UBAP2L: variants seen among roughly 807,000 people sequenced by gnomAD.
UBAP2L encodes the protein ubiquitin-associated protein 2-like.
A neutral mutation model predicts 130.6 loss-of-function variants in UBAP2L; 12 were observed. That is an observed-to-expected ratio of 0.09 (90% CI 0.06 to 0.15). The LOEUF (loss-of-function observed/expected upper bound fraction) is 0.15, where lower values mean the gene tolerates loss of function less well. Among genes scored for constraint, UBAP2L ranks in the 10% least tolerant of loss-of-function variants. UBAP2L has a pLI of 1.00. For missense variants in UBAP2L, 965 were observed against 1,332.5 expected (o/e 0.72, Z 4.29); for synonymous variants, 503 against 524.7 (o/e 0.96, Z 0.57).
intron 5 of UBAP2L, among the ~76,000 whole-genome samples, 166 bp from the exon 6 acceptor site, chr1:154,235,030 A>G (rs992256601): frequency 3.9e-5 from 6 of 152,056 alleles, no homozygotes; most frequent in African/African-American, 1.4e-4. Flanking sequence ...CCTGAGAAAC[A>G]TGTTCCCATC....
chr1:154,262,028 G>C (rs1681720425), intron 24 of UBAP2L, among the ~76,000 whole-genome samples: 2 of 152,218 alleles, frequency 1.3e-5, no homozygotes, highest in African/African-American at 4.8e-5. Flanking sequence ...AGTGTTAATA[G>C]TATGTATGGC....
intron 18 of UBAP2L, among the ~76,000 whole-genome samples, chr1:154,256,616 G>A (rs1054154131): frequency 9.8e-5 from 15 of 152,300 alleles, no homozygotes; most frequent in Admixed American, 8.5e-4. Flanking sequence ...CCCAGCCTGG[G>A]CAACAGGATG....
At chr1:154,241,762 G>C (rs1673699980) in intron 9 of UBAP2L, 197 bp downstream of exon 9, 2 of 985,292 alleles carry the variant, frequency 2.0e-6, no homozygotes, top group Non-Finnish European at 2.4e-6. Context: ...ACAGGACTCT[G>C]TGGAACCACA....
At chr1:154,245,705 G>A (rs1361334750) in intron 10 of UBAP2L, among the ~76,000 whole-genome samples, 1 of 152,038 alleles carries the variant, frequency 6.6e-6, no homozygotes, top group Non-Finnish European at 1.5e-5. Flanking sequence ...CATGAGGTCA[G>A]GAGATTGAGA....
At chr1:154,233,009 C>A (rs1670355345) in intron 4 of UBAP2L, among the ~76,000 whole-genome samples, 8 of 151,710 alleles carry the variant, frequency 5.3e-5, no homozygotes. Flanking sequence ...CCCAGCCTTA[C>A]CTTTTTTTCT....
Position 154,257,408 on chromosome 1 carries a change from G to A in UBAP2L, c.2416G>A (p.Ala806Thr), listed in dbSNP as rs778923432. The change falls in exon 20 of 27, where the codon GCT (alanine) becomes ACT (threonine). Residue 806 changes from alanine (A) to threonine (T), a missense_variant. By Grantham distance (58) the Ala-to-Thr change is moderately conservative (BLOSUM62 0). Around this residue, in one of 9 missense-constraint regions of UBAP2L, gnomAD observed 393 missense variants for 408.1 expected, o/e 0.96. Coordinates refer to ENST00000428931, the MANE Select transcript of UBAP2L (RefSeq NM_014847.4). ...GTTGTTGCCTAATCCGTATATTATG[G>A]CTCCAGGGCTGTTACATGCCTACCC... ...PPLLPNPYIM[A>T]PGLLHAYPPQ... 1.2e-6 allele frequency: 2 copies of A among 1,612,844 alleles called. No individual in the cohort carries two copies. Among genetic ancestry groups the A allele is most frequent in the African/African-American group, 1.3e-5 (1 of 74,870 alleles).
chr1:154,232,337 G>A (rs7542975), intron 4 of UBAP2L, among the ~76,000 whole-genome samples: 92,555 of 145,808 alleles, frequency 0.63, 29,819 homozygotes, highest in East Asian at 0.95. Flanking sequence ...AAAAAAAAAA[G>A]GAAAGAAATC....
chr1:154,270,984 T>G (rs1684645842), downstream of UBAP2L: 1 of 1,535,540 alleles, frequency 6.5e-7, no homozygotes, highest in Admixed American at 2.0e-5. Context: ...AAATGAAATC[T>G]TCGCCCTTTA....
intron 8 of UBAP2L, among the ~76,000 whole-genome samples, chr1:154,239,701 C>G (rs1228540311): frequency 6.6e-6 from 1 of 152,182 alleles, no homozygotes; most frequent in African/African-American, 2.4e-5. Flanking sequence ...GAAAAAAATT[C>G]TTGCATCAAG....
chr1:154,237,440 T>TGC (rs1327285663), intron 8 of UBAP2L, among the ~76,000 whole-genome samples: 1 of 152,220 alleles, frequency 6.6e-6, no homozygotes, highest in Non-Finnish European at 1.5e-5. Context: ...GAACTCAGCA[T>TGC]TGTTTGACCC....
intron 24 of UBAP2L, chr1:154,263,397 A>T: frequency 7.8e-7 from 1 of 1,284,868 alleles, no homozygotes; most frequent in Non-Finnish European, 9.8e-7. Flanking sequence ...CCTTCGAAGC[A>T]TCAATGCACA....
chr1:154,234,563 T>G, intron 4 of UBAP2L, 28 bp from the exon 5 acceptor site: 1 of 1,612,588 alleles, frequency 6.2e-7, no homozygotes, highest in Non-Finnish European at 8.5e-7. Context: ...CCATATTGAT[T>G]AGATATGAAT....
At chr1:154,267,544 C>T in intron 25 of UBAP2L, among the ~76,000 whole-genome samples, 1 of 150,604 alleles carries the variant, frequency 6.6e-6, no homozygotes, top group African/African-American at 2.5e-5. Flanking sequence ...CAAGAAGTCA[C>T]CCAGGCTGGA....
intron 10 of UBAP2L, among the ~76,000 whole-genome samples, chr1:154,245,321 T>C (rs1379389676): frequency 6.6e-6 from 1 of 152,214 alleles, no homozygotes; most frequent in Non-Finnish European, 1.5e-5. Context: ...GAAAGAAGTG[T>C]GTTATGAGTA....
chr1:154,267,529 A>G (rs1279072677), intron 25 of UBAP2L, among the ~76,000 whole-genome samples: 1 of 148,418 alleles, frequency 6.7e-6, no homozygotes, highest in Non-Finnish European at 1.5e-5. Context: ...TTTTGGAGAC[A>G]GTCTCAAGAA....
chr1:154,227,426 C>A, intron 3 of UBAP2L, 67 bp downstream of exon 3: 1 of 1,372,442 alleles, frequency 7.3e-7, no homozygotes, highest in Non-Finnish European at 1.0e-6. Flanking sequence ...TAATCAAATA[C>A]TGTAGATGGA....
Position 154,234,479 on chromosome 1 carries a change from A to G in UBAP2L, c.280-112A>G. On this transcript the variant is annotated intron_variant, in intron 4 of 26. Coordinates refer to ENST00000428931, the MANE Select transcript of UBAP2L (RefSeq NM_014847.4). ...AAGCAAACTAATGGAAGTGTTTTAGACATGGATGCTGAGTGGAGAATGGTT... is the reference window on the plus strand; with the variant it reads ...AAGCAAACTAATGGAAGTGTTTTAGGCATGGATGCTGAGTGGAGAATGGTT... The G allele has an allele frequency of 4.5e-6, 5 of 1,119,754 alleles. No individual in the cohort carries two copies. In the Admixed American group the frequency reaches 8.4e-5, roughly 19 times the overall value. The allele number at this position is 1,119,754 out of a possible 1,614,324, so 69.4% of individuals were successfully genotyped here.
intron 17 of UBAP2L, among the ~76,000 whole-genome samples, 172 bp from the exon 18 acceptor site, chr1:154,255,511 A>G (rs769523165): frequency 6.6e-6 from 1 of 152,254 alleles, no homozygotes; most frequent in Non-Finnish European, 1.5e-5. Context: ...TTCAACATCC[A>G]CTTTTGCTTT....
In UBAP2L at chr1:154,255,642, T is replaced by C. The variant is rs533903742; in HGVS notation, c.2085-41T>C. 1.4e-5 allele frequency: 22 copies of C among 1,604,224 alleles called. No individual in the cohort carries two copies. The East Asian group carries it at 4.0e-4, about 29-fold the overall frequency. ...TGACTGAAGCTCCAGGTCACGTAAC[T>C]ATAGCACTATGGCTGATGGCAGCCT... On this transcript the variant is annotated intron_variant, in intron 17 of 26. Coordinates refer to ENST00000428931, the MANE Select transcript of UBAP2L (RefSeq NM_014847.4).
Sources: gnomAD v4.1 joint callset for allele counts (sites outside exome capture counted in the v4.1 genomes callset) on GRCh38, gnomAD v4.1.1 for gene constraint, gnomAD v4.1.1 regional missense constraint, MANE v1.5 for transcripts, NCBI Gene and HGNC (gene_info 2026-07-23, HGNC 2026-07-21) for gene names.